The following CCSER1 variants were observed in gnomAD, a reference collection of about 807,000 sequenced individuals.
CCSER1 encodes serine-rich coiled-coil domain-containing protein 1.
Under a neutral mutation model 82.0 loss-of-function variants are expected in CCSER1, and 41 were observed. The observed-to-expected ratio is 0.50, with a 90% CI of 0.39 to 0.65. CCSER1 has a LOEUF of 0.65. Ranked by LOEUF, CCSER1 falls within the 30% of genes least tolerant of loss-of-function variation. CCSER1 has a pLI of 0.00. For missense variants in CCSER1, 1,119 were observed against 1,064.2 expected (o/e 1.05, Z -0.72); for synonymous variants, 414 against 383.9 (o/e 1.08, Z -0.92).
intron 10 of CCSER1, among the ~76,000 whole-genome samples, chr4:91,439,075 G>C (rs938042148): frequency 1.3e-5 from 2 of 152,172 alleles, no homozygotes; most frequent in South Asian, 2.1e-4. Context: ...TTATCCAGGA[G>C]AACTTCCCCA....
At chr4:91,440,562 A>G (rs977246254) in intron 10 of CCSER1, among the ~76,000 whole-genome samples, 4 of 152,224 alleles carry the variant, frequency 2.6e-5, no homozygotes, top group African/African-American at 9.6e-5. Flanking sequence ...TAAAAGAACT[A>G]GAGAAGCAAC....
At chr4:91,466,054 AG>A in intron 10 of CCSER1, among the ~76,000 whole-genome samples, 1 of 152,220 alleles carries the variant, frequency 6.6e-6, no homozygotes, top group Non-Finnish European at 1.5e-5. Flanking sequence ...CAGCAAAAAA[AG>A]AGAATTTTAG....
intron 8 of CCSER1, among the ~76,000 whole-genome samples, chr4:90,906,516 A>T (rs948071519): frequency 6.6e-6 from 1 of 152,102 alleles, no homozygotes; most frequent in Non-Finnish European, 1.5e-5. Flanking sequence ...GTGTCACTTC[A>T]CGGTTTACTA....
intron 10 of CCSER1, among the ~76,000 whole-genome samples, chr4:91,206,509 C>CA (rs1736355538): frequency 6.6e-6 from 1 of 151,852 alleles, no homozygotes; most frequent in African/African-American, 2.4e-5. Context: ...GTTTATTTTT[C>CA]AAAAAATATG....
chr4:90,592,147 C>T (rs1782783979), intron 5 of CCSER1, among the ~76,000 whole-genome samples: 1 of 152,022 alleles, frequency 6.6e-6, no homozygotes, highest in South Asian at 2.1e-4. Context: ...ACATGTATGG[C>T]TGCATAAAAA....
intron 1 of CCSER1, among the ~76,000 whole-genome samples, chr4:90,247,817 A>T (rs1304252404): frequency 2.6e-5 from 4 of 151,822 alleles, no homozygotes; most frequent in African/African-American, 7.2e-5. Context: ...CCTCCTTTGC[A>T]CTTCTTTTAT....
rs184201830 is a variant in CCSER1 at position 90,801,115 on chromosome 4, A to G, written c.2011-14647A>G. Among the ~76,000 whole-genome samples the G allele has an allele frequency of 4.8e-4, 73 of 152,308 alleles. No individual in the cohort carries two copies. In the East Asian group the frequency reaches 0.013, roughly 27 times the overall value. On this transcript the variant is annotated intron_variant, in intron 7 of 10. Coordinates refer to ENST00000509176, the MANE Select transcript of CCSER1 (RefSeq NM_001145065.2). Reference sequence around the variant, plus strand: ...AAATGACAAGAACATAGTCTCATGGAACTTTTTTGACATCTTAACAAATTT... The same window carrying G: ...AAATGACAAGAACATAGTCTCATGGGACTTTTTTGACATCTTAACAAATTT...
intron 1 of CCSER1, among the ~76,000 whole-genome samples, chr4:90,228,325 G>A (rs1330967355): frequency 3.3e-5 from 5 of 152,122 alleles, no homozygotes; most frequent in African/African-American, 4.8e-5. Flanking sequence ...CCTGACCCCC[G>A]AGCAGCCTAA....
At chr4:91,182,650 G>T (rs1210332086) in intron 10 of CCSER1, among the ~76,000 whole-genome samples, 1 of 152,174 alleles carries the variant, frequency 6.6e-6, no homozygotes, top group African/African-American at 2.4e-5. Flanking sequence ...ATTATAGCCT[G>T]GGGCATTATC....
At chr4:91,247,171 G>A (rs1056027703) in intron 10 of CCSER1, among the ~76,000 whole-genome samples, 1 of 151,826 alleles carries the variant, frequency 6.6e-6, no homozygotes, top group Non-Finnish European at 1.5e-5. Context: ...GTGTGGTGGT[G>A]GGCGCCTGTA....
At chr4:90,302,244 T>G (rs570243724) in intron 1 of CCSER1, among the ~76,000 whole-genome samples, 50 of 152,278 alleles carry the variant, frequency 3.3e-4, no homozygotes, top group African/African-American at 1.2e-3. Context: ...ATTAAGAAGC[T>G]TAAGACAAAA....
Position 90,628,222 on chromosome 4 carries a change from T to C in CCSER1, c.1922T>C (p.Val641Ala). The C allele has an allele frequency of 6.2e-7, 1 of 1,609,264 alleles. No individual in the cohort carries two copies. Among genetic ancestry groups the C allele is most frequent in the Non-Finnish European group, 8.5e-7 (1 of 1,175,924 alleles). Residue 641 changes from valine (V) to alanine (A), a missense_variant, in exon 6 of 11, where the codon GTT (valine) becomes GCT (alanine). Transcript: ENST00000509176. ...VKTLLLKMKRVLQESADMSPA... is the reference protein window; with the variant it reads ...VKTLLLKMKRALQESADMSPA... ...ACGTTATTATTAAAGATGAAGAGAG[T>C]TCTTCAAGAGGTAATGGTTTCCTCT... is the stretch of plus-strand genomic sequence containing the variant.
chr4:91,160,594 G>A (rs565818049), intron 10 of CCSER1, among the ~76,000 whole-genome samples: 1 of 152,284 alleles, frequency 6.6e-6, no homozygotes, highest in East Asian at 1.9e-4. Flanking sequence ...CATTCTAACT[G>A]GTGTGAGATG....
At chr4:90,888,029 A>T (rs1722410855) in intron 8 of CCSER1, among the ~76,000 whole-genome samples, 1 of 152,238 alleles carries the variant, frequency 6.6e-6, no homozygotes, top group South Asian at 2.1e-4. Context: ...CCCATGTAAA[A>T]ATAAAATGAC....
At position 91,459,029 on chromosome 4, in the gene CCSER1, G is replaced by A. The variant is rs1035052637; in HGVS notation, c.2218-139543G>A. Reference sequence around the variant, plus strand: ...ACTTATGGGTTTTTTTTCCCTAAGAGTTCTTATGGGACACAATATATAATG... The same window carrying A: ...ACTTATGGGTTTTTTTTCCCTAAGAATTCTTATGGGACACAATATATAATG... On this transcript the variant is annotated intron_variant, in intron 10 of 10. Transcript: ENST00000509176. 9.9e-5 allele frequency among the ~76,000 whole-genome samples: 15 copies of A among 151,948 alleles called. No individual in the cohort carries two copies. In the South Asian group the frequency reaches 1.0e-3, roughly 11 times the overall value.
intron 9 of CCSER1, among the ~76,000 whole-genome samples, chr4:91,034,265 G>A (rs1055796987): frequency 1.3e-5 from 2 of 152,166 alleles, no homozygotes; most frequent in African/African-American, 2.4e-5. Context: ...TGACTTTTCA[G>A]TATGCACCGT....
chr4:91,055,271 C>T (rs936954948), intron 9 of CCSER1, among the ~76,000 whole-genome samples: 3 of 152,116 alleles, frequency 2.0e-5, no homozygotes, highest in African/African-American at 7.2e-5. Flanking sequence ...ACTCTGCTCC[C>T]TTATATCTAT....
At chr4:90,917,695 A>G (rs1255021439) in intron 8 of CCSER1, among the ~76,000 whole-genome samples, 1 of 152,044 alleles carries the variant, frequency 6.6e-6, no homozygotes, top group Non-Finnish European at 1.5e-5. Context: ...TTACATCAGG[A>G]TTTTATTTTA....
intron 10 of CCSER1, among the ~76,000 whole-genome samples, chr4:91,189,870 G>A (rs1421532492): frequency 6.6e-6 from 1 of 151,946 alleles, no homozygotes; most frequent in Admixed American, 6.6e-5. Context: ...AGAGATTTGA[G>A]TTTATAAATT....
Sources: gnomAD v4.1 joint callset for allele counts (sites outside exome capture counted in the v4.1 genomes callset) on GRCh38, gnomAD v4.1.1 for gene constraint, MANE v1.5 for transcripts, NCBI Gene and HGNC (gene_info 2026-07-23, HGNC 2026-07-21) for gene names.